The following LAMTOR3 variants were observed in gnomAD, a reference collection of about 807,000 sequenced individuals.
The protein encoded by LAMTOR3 is late endosomal/lysosomal adaptor, MAPK and MTOR activator 3, also known as ragulator complex protein LAMTOR3.
A neutral mutation model predicts 20.3 loss-of-function variants in LAMTOR3; 14 were observed. The ratio of observed to expected loss-of-function variants is 0.69; its 90% CI spans 0.46 to 1.08. The LOEUF (loss-of-function observed/expected upper bound fraction) is 1.08, where lower values mean the gene tolerates loss of function less well. Among genes scored for constraint, LAMTOR3 ranks in the 50% least tolerant of loss-of-function variants. The probability of loss-of-function intolerance (pLI) is 0.00; values close to 1 mark genes in which losing one functional copy is unlikely to be tolerated. For synonymous variants in LAMTOR3, 40 were observed against 49.4 expected, an observed-to-expected ratio of 0.81 and a Z score of 0.80; for missense variants, 125 against 143.7, an observed-to-expected ratio of 0.87 and a Z score of 0.67.
intron 5 of LAMTOR3, among the ~76,000 whole-genome samples, chr4:99,884,388 C>G (rs551549509): frequency 2.7e-4 from 41 of 152,202 alleles, no homozygotes; most frequent in East Asian, 2.1e-3. Context: ...CTTTTTATCT[C>G]TAAAGCCCAA....
At chr4:99,886,504 C>G (rs1424967605) in intron 4 of LAMTOR3, among the ~76,000 whole-genome samples, 1 of 152,198 alleles carries the variant, frequency 6.6e-6, no homozygotes, top group Non-Finnish European at 1.5e-5. Flanking sequence ...TTTACAAATT[C>G]ATGCAGTTTA....
At chr4:99,892,214 AC>A (rs1725035002) in intron 2 of LAMTOR3, among the ~76,000 whole-genome samples, 180 bp from the exon 3 acceptor site, 6 of 152,168 alleles carry the variant, frequency 3.9e-5, no homozygotes, top group Admixed American at 3.9e-4. Flanking sequence ...AAGTTAACCA[AC>A]CTTTTTTCGC....
intron 2 of LAMTOR3, 36 bp downstream of exon 2, chr4:99,893,919 A>G: frequency 7.0e-7 from 1 of 1,435,502 alleles, no homozygotes; most frequent in Non-Finnish European, 9.3e-7. Context: ...AAAATTCCCC[A>G]CTCTCCCCTT....
chr4:99,886,421 T>C (rs1210626295), intron 4 of LAMTOR3, among the ~76,000 whole-genome samples: 1 of 152,206 alleles, frequency 6.6e-6, no homozygotes, highest in Non-Finnish European at 1.5e-5. Context: ...AGGACCTCCT[T>C]TGTTCTTATA....
rs1724819305 is a variant in LAMTOR3 at position 99,881,146 on chromosome 4, TTA to T, written c.*846_*847del. ...TCATGTGGCTGAAAGAGTATATTAA[TTA>T]TGTTTAGATTTTTGGAAAAAGTCTG... On this transcript the variant is annotated 3_prime_UTR_variant, in exon 7 of 7. Transcript: ENST00000499666. 6.6e-6 allele frequency: 1 copy of T among 152,206 alleles called. No individual in the cohort carries two copies. Among genetic ancestry groups the T allele is most frequent in the Non-Finnish European group, 1.5e-5 (1 of 68,038 alleles). The allele number at this position is 152,206 out of a possible 1,614,324, so 9.4% of individuals were successfully genotyped here.
rs2110176834 is a variant in LAMTOR3, at chr4:99,878,669, A to C, written c.*3325T>G. 6.6e-6 allele frequency: 1 copy of C among 152,358 alleles called. No individual in the cohort carries two copies. The highest frequency in any genetic ancestry group is 1.9e-4 in the East Asian group (1 of 5,188). The allele number at this position is 152,358 out of a possible 1,614,324, so 9.4% of individuals were successfully genotyped here. On this transcript the variant is annotated 3_prime_UTR_variant, in exon 7 of 7. Transcript: ENST00000499666. ...GTTTGACACCATGCTTTTCTCAATA[A>C]ACATTATTATGCCTTAGAGATCTTT...
At chr4:99,891,170 T>C (rs914182074) in intron 3 of LAMTOR3, among the ~76,000 whole-genome samples, 3 of 152,226 alleles carry the variant, frequency 2.0e-5, no homozygotes, top group African/African-American at 7.2e-5. Flanking sequence ...GTGAATTAAC[T>C]ATGTACTATT....
rs1289063123 is a variant in LAMTOR3 at position 99,880,864 on chromosome 4, T to C, written c.*1130A>G. Reference sequence around the variant, plus strand: ...CTAGAAAGAAATTAACTCTGAATGATAGACTGCATTCCTGAACATAAAGGG... The same window carrying C: ...CTAGAAAGAAATTAACTCTGAATGACAGACTGCATTCCTGAACATAAAGGG... On this transcript the variant is annotated 3_prime_UTR_variant, in exon 7 of 7. Transcript: ENST00000499666. 7.9e-5 allele frequency: 12 copies of C among 152,372 alleles called. No individual in the cohort carries two copies. The highest frequency in any genetic ancestry group is 7.7e-4 in the East Asian group (4 of 5,190). 9.4% of individuals were successfully genotyped at this position (152,372 alleles called of 1,614,324 possible). A position where few individuals can be genotyped will look rare whatever the true frequency, so the allele number is the denominator to read the frequency against.
At chr4:99,887,388 G>C in intron 3 of LAMTOR3, 34 bp from the exon 4 acceptor site, 2 of 1,057,192 alleles carry the variant, frequency 1.9e-6, no homozygotes, top group Non-Finnish European at 2.6e-6. Flanking sequence ...TATAAAAAAA[G>C]TTAAAATATA....
At position 99,880,981 on chromosome 4, in the gene LAMTOR3, C is replaced by A. The variant is rs189565838; in HGVS notation, c.*1013G>T. 3.3e-5 allele frequency: 5 copies of A among 152,156 alleles called. 1 individual carries two copies. The highest frequency in any genetic ancestry group is 3.3e-4 in the Admixed American group (5 of 15,274). The allele number at this position is 152,156 out of a possible 1,614,324, so 9.4% of individuals were successfully genotyped here. A position where few individuals can be genotyped will look rare whatever the true frequency, so the allele number is the denominator to read the frequency against. ...TTTCTTTTCTTTTTTGTTTTTGAGA[C>A]GGAGTCTCTGTTGCCCAGGCTGGGG... On this transcript the variant is annotated 3_prime_UTR_variant, in exon 7 of 7. Coordinates refer to ENST00000499666, the MANE Select transcript of LAMTOR3 (RefSeq NM_021970.4).
chr4:99,890,728 A>G (rs1289650536), intron 3 of LAMTOR3, among the ~76,000 whole-genome samples: 1 of 152,216 alleles, frequency 6.6e-6, no homozygotes, highest in Non-Finnish European at 1.5e-5. Context: ...TTCTTGGATA[A>G]GCACAACAAC....
chr4:99,880,794 CA>C lies in LAMTOR3; in HGVS notation c.*1199del, dbSNP rs1724810367. ...CTGACTGGCACACAGGTGCTCAATG[CA>C]TATGTACTGAACTGATCCAGGGAAA... On this transcript the variant is annotated 3_prime_UTR_variant, in exon 7 of 7. Transcript: ENST00000499666. The C allele has an allele frequency of 6.6e-6, 1 of 152,206 alleles. No individual in the cohort carries two copies. The highest frequency in any genetic ancestry group is 1.5e-5 in the Non-Finnish European group (1 of 68,066). The allele number at this position is 152,206 out of a possible 1,614,324, so 9.4% of individuals were successfully genotyped here.
At chr4:99,892,202 G>A (rs1470214434) in intron 2 of LAMTOR3, among the ~76,000 whole-genome samples, 168 bp from the exon 3 acceptor site, 5 of 152,192 alleles carry the variant, frequency 3.3e-5, no homozygotes, top group Non-Finnish European at 5.9e-5. Context: ...GCAACTTGGA[G>A]TAAGTTAACC....
intron 5 of LAMTOR3, among the ~76,000 whole-genome samples, chr4:99,884,565 C>CA (rs200423911): frequency 4.7e-5 from 7 of 150,088 alleles, no homozygotes; most frequent in African/African-American, 9.8e-5. Flanking sequence ...CAACTACCTT[C>CA]AAAAAAAAAG....
intron 6 of LAMTOR3, 148 bp from the exon 7 acceptor site, chr4:99,882,215 A>C (rs1724841015): frequency 1.7e-6 from 1 of 592,196 alleles, no homozygotes; most frequent in Non-Finnish European, 3.0e-6. Context: ...ATACAGGTTG[A>C]ATATCCCTTA....
At chr4:99,887,229 G>T (rs1724944268) in intron 4 of LAMTOR3, 67 bp downstream of exon 4, 2 of 1,021,406 alleles carry the variant, frequency 2.0e-6, no homozygotes, top group Admixed American at 2.3e-5. Flanking sequence ...GTACTACTCA[G>T]ATGTAAATTA....
chr4:99,892,159 T>C lies in LAMTOR3; in HGVS notation c.10-125A>G, dbSNP rs1392163549. 5 of 1,387,474 alleles carry C rather than the reference T, an allele frequency of 3.6e-6. No individual in the cohort carries two copies. In the South Asian group the frequency reaches 7.0e-5, roughly 19 times the overall value. The allele number at this position is 1,387,474 out of a possible 1,614,324, so 85.9% of individuals were successfully genotyped here. A position where few individuals can be genotyped will look rare whatever the true frequency, so the allele number is the denominator to read the frequency against. On this transcript the variant is annotated intron_variant, in intron 2 of 6. Transcript: ENST00000499666. ...ATAACCTTTCTTGCTGTGTTTTATC[T>C]TTCTCTGTCTGATTTGGATGTTTAC...
At position 99,894,338 on chromosome 4, in the gene LAMTOR3, G is replaced by A; in HGVS notation, c.-41C>T. 4.6e-6 allele frequency: 1 copy of A among 218,988 alleles called. No individual in the cohort carries two copies. Among genetic ancestry groups the A allele is most frequent in the East Asian group, 9.2e-5 (1 of 10,838 alleles). 13.6% of individuals were successfully genotyped at this position (218,988 alleles called of 1,614,324 possible). Reference sequence around the variant, plus strand: ...CAGGCAAAGTAGCGCCAGTTACCTGGGGTTTCTGGGCTGCCTGGTTCTCTC... The same window carrying A: ...CAGGCAAAGTAGCGCCAGTTACCTGAGGTTTCTGGGCTGCCTGGTTCTCTC... On this transcript the variant is annotated 5_prime_UTR_variant, in exon 1 of 7. Transcript: ENST00000499666.
Position 99,892,043 on chromosome 4 carries a change from G to T in LAMTOR3, c.10-9C>A. On this transcript the variant is annotated splice_polypyrimidine_tract_variant and intron_variant, in intron 2 of 6. Transcript: ENST00000499666. ...AAGAATCGCTTTAGGTCCTGAAAGA[G>T]AGCATTAAAAAATAATGTTGTAATA... 6.4e-7 allele frequency: 1 copy of T among 1,563,972 alleles called. No homozygotes were observed. The highest frequency in any genetic ancestry group is 8.6e-7 in the Non-Finnish European group (1 of 1,162,154).
Sources: allele counts gnomAD v4.1 joint callset (sites outside exome capture counted in the v4.1 genomes callset), GRCh38; gene constraint gnomAD v4.1.1; transcripts MANE v1.5; gene names NCBI Gene and HGNC (gene_info 2026-07-23, HGNC 2026-07-21).